The following FNIP1 variants were observed in gnomAD, a reference collection of about 807,000 sequenced individuals.
FNIP1 encodes folliculin interacting protein 1.
In FNIP1, 40 loss-of-function variants were observed where a neutral mutation model predicts 124.5. The observed-to-expected ratio is 0.32, with a 90% CI of 0.25 to 0.42. The LOEUF is 0.42. Ranked by LOEUF, FNIP1 falls within the 10% of genes least tolerant of loss-of-function variation. The pLI is 1.00. For missense variants in FNIP1, 1,176 were observed against 1,403.7 expected, an observed-to-expected ratio of 0.84 and a Z score of 2.59; for synonymous variants, 472 against 470.6, an observed-to-expected ratio of 1.00 and a Z score of -0.04.
chr5:131,772,903 G>A (rs1771688339), intron 1 of FNIP1, among the ~76,000 whole-genome samples: 1 of 152,030 alleles, frequency 6.6e-6, no homozygotes, highest in African/African-American at 2.4e-5. Flanking sequence ...AAAACACAAA[G>A]CTGATTGTAC....
At chr5:131,767,919 T>A (rs1477884709) in intron 1 of FNIP1, among the ~76,000 whole-genome samples, 1 of 152,160 alleles carries the variant, frequency 6.6e-6, no homozygotes, top group African/African-American at 2.4e-5. Context: ...TACTAAATGT[T>A]GTAAGAACAC....
At chr5:131,648,323 A>C (rs2149502301) in intron 16 of FNIP1, among the ~76,000 whole-genome samples, 1 of 151,922 alleles carries the variant, frequency 6.6e-6, no homozygotes, top group Middle Eastern at 3.4e-3. Flanking sequence ...AAAAAAAAAA[A>C]CCTGAAACAC....
intron 1 of FNIP1, among the ~76,000 whole-genome samples, chr5:131,765,662 T>C (rs1290707590): frequency 1.3e-5 from 2 of 152,252 alleles, no homozygotes; most frequent in Non-Finnish European, 2.9e-5. Context: ...GTATCTGATA[T>C]TGGCTTCTGT....
chr5:131,678,569 G>A (rs912684868), intron 12 of FNIP1, among the ~76,000 whole-genome samples: 4 of 151,424 alleles, frequency 2.6e-5, no homozygotes, highest in East Asian at 2.0e-4. Flanking sequence ...CACCATGCCC[G>A]GCTAATTTTG....
intron 15 of FNIP1, among the ~76,000 whole-genome samples, chr5:131,658,620 G>A (rs1767284294): frequency 6.6e-6 from 1 of 151,930 alleles, no homozygotes. Flanking sequence ...TTAAGGTGAA[G>A]ATTAAAAAAT....
chr5:131,667,582 TTTG>T (rs1561644476), intron 15 of FNIP1, among the ~76,000 whole-genome samples: 11 of 151,778 alleles, frequency 7.2e-5, no homozygotes, highest in Non-Finnish European at 1.2e-4. Flanking sequence ...TTTTTGTTTG[TTTG>T]TTTGTTTGTT....
intron 10 of FNIP1, among the ~76,000 whole-genome samples, chr5:131,702,130 T>C (rs1052380100): frequency 6.6e-5 from 10 of 152,230 alleles, no homozygotes; most frequent in Admixed American, 2.6e-4. Flanking sequence ...CCTACTAAAA[T>C]ATATGTAAGA....
chr5:131,767,369 C>T (rs1310323871), intron 1 of FNIP1, among the ~76,000 whole-genome samples: 1 of 125,006 alleles, frequency 8.0e-6, no homozygotes, highest in Admixed American at 1.1e-4. Context: ...GCGGAGGCTG[C>T]AGTAAGCCAA....
In FNIP1 at chr5:131,744,766, T is replaced by C. The variant is rs1441258200; in HGVS notation, c.93-76A>G. 8.1e-5 allele frequency: 98 copies of C among 1,215,958 alleles called. 2 individuals carry two copies. In the South Asian group the frequency reaches 1.3e-3, roughly 16 times the overall value. 75.3% of individuals were successfully genotyped at this position (1,215,958 alleles called of 1,614,324 possible). On this transcript the variant is annotated intron_variant, in intron 1 of 17. Coordinates refer to ENST00000510461, the MANE Select transcript of FNIP1 (RefSeq NM_133372.3). ...AATATTCCATATACATTATTAGAAA[T>C]AAATCTATATAATAAAGCCCAAAAT...
chr5:131,710,173 A>C (rs1310561816), intron 7 of FNIP1, among the ~76,000 whole-genome samples: 1 of 133,846 alleles, frequency 7.5e-6, no homozygotes, highest in South Asian at 2.5e-4. Flanking sequence ...TTTTACAATA[A>C]TAACAAGATA....
At chr5:131,771,202 T>C (rs1368936805) in intron 1 of FNIP1, among the ~76,000 whole-genome samples, 1 of 152,070 alleles carries the variant, frequency 6.6e-6, no homozygotes, top group African/African-American at 2.4e-5. Context: ...GAAAAGAAAA[T>C]TGGAGAAAGG....
chr5:131,796,461 G>C (rs929280846), intron 1 of FNIP1: 13 of 241,958 alleles, frequency 5.4e-5, no homozygotes, highest in Non-Finnish European at 5.6e-5. Context: ...CCCGGAGTAC[G>C]GCGGCTGAGG....
chr5:131,760,714 A>G (rs1771197923), intron 1 of FNIP1, among the ~76,000 whole-genome samples: 2 of 152,180 alleles, frequency 1.3e-5, no homozygotes, highest in South Asian at 4.1e-4. Context: ...GGAAGGTGAT[A>G]CAGATCATTC....
chr5:131,642,518 T>C lies in FNIP1; in HGVS notation c.*2167A>G, dbSNP rs1417500468. On this transcript the variant is annotated 3_prime_UTR_variant, in exon 18 of 18. Coordinates refer to ENST00000510461, the MANE Select transcript of FNIP1 (RefSeq NM_133372.3). ...ACATTTTAAATAAAGAACAGTTTGATGGTTAAGGAGACACCCAGACATTAT... is the reference window on the plus strand; with the variant it reads ...ACATTTTAAATAAAGAACAGTTTGACGGTTAAGGAGACACCCAGACATTAT... 2.6e-5 allele frequency: 4 copies of C among 151,322 alleles called. No homozygotes were observed. The highest frequency in any genetic ancestry group is 2.0e-4 in the Admixed American group (3 of 15,146). The allele number at this position is 151,322 out of a possible 1,614,324, so 9.4% of individuals were successfully genotyped here. A position where few individuals can be genotyped will look rare whatever the true frequency, so the allele number is the denominator to read the frequency against.
At chr5:131,647,995 G>T (rs1237295771) in intron 16 of FNIP1, among the ~76,000 whole-genome samples, 1 of 151,710 alleles carries the variant, frequency 6.6e-6, no homozygotes, top group Non-Finnish European at 1.5e-5. Flanking sequence ...AGTTCACAAA[G>T]AATGCTATGT....
chr5:131,717,774 A>C (rs1769517709), intron 5 of FNIP1, among the ~76,000 whole-genome samples: 1 of 152,218 alleles, frequency 6.6e-6, no homozygotes, highest in African/African-American at 2.4e-5. Flanking sequence ...GGCTAACATC[A>C]GTGATTCCAA....
intron 2 of FNIP1, among the ~76,000 whole-genome samples, chr5:131,734,740 T>G (rs911039499): frequency 6.6e-6 from 1 of 152,192 alleles, no homozygotes; most frequent in Non-Finnish European, 1.5e-5. Context: ...ATCAGAGAGA[T>G]GCAAATCAAA....
In FNIP1 at chr5:131,796,821, G is replaced by C; in HGVS notation, c.92+9C>G. 2 of 1,571,946 alleles carry C rather than the reference G, an allele frequency of 1.3e-6. No homozygotes were observed. Among genetic ancestry groups the C allele is most frequent in the African/African-American group, 1.3e-5 (1 of 74,084 alleles). On this transcript the variant is annotated intron_variant, in intron 1 of 17. Transcript: ENST00000510461. ...TCGGCTCCGCGACCCCCGCCCCACA[G>C]CGCCCTACCTGAACCCGCAATCTGG...
chr5:131,744,722 C>T (rs375869026), intron 1 of FNIP1, 32 bp from the exon 2 acceptor site: 32 of 1,569,928 alleles, frequency 2.0e-5, no homozygotes, highest in Non-Finnish European at 2.7e-5. Flanking sequence ...AGTAAAGATC[C>T]ATTAGAGTTA....
Sources: allele counts gnomAD v4.1 joint callset (sites outside exome capture counted in the v4.1 genomes callset), GRCh38; gene constraint gnomAD v4.1.1; transcripts MANE v1.5; gene names NCBI Gene and HGNC (gene_info 2026-07-23, HGNC 2026-07-21).